PLAAT3: variants seen among roughly 807,000 people sequenced by gnomAD.
PLAAT3 encodes the protein Ca-independent phospholipase A1/2.
A neutral mutation model predicts 16.7 loss-of-function variants in PLAAT3; 21 were observed. The observed-to-expected ratio is 1.26, with a 90% CI of 0.89 to 1.81. The LOEUF is 1.81. Ranked by LOEUF, PLAAT3 falls within the 40% of genes most tolerant of loss-of-function variation. PLAAT3 has a pLI of 0.00. For missense variants in PLAAT3, 219 were observed against 213.7 expected (o/e 1.02, Z -0.16); for synonymous variants, 76 against 81.7 (o/e 0.93, Z 0.38).
Position 63,613,985 on chromosome 11 carries a change from T to C in PLAAT3, c.15+15A>G. On this transcript the variant is annotated intron_variant, in intron 2 of 4. Coordinates refer to ENST00000415826, the MANE Select transcript of PLAAT3 (RefSeq NM_001128203.2). ...GCTCCCAGCCCCGCCCAGCCCCGCC[T>C]CGCCCCGCACTTACAATGGGCGCAC... The C allele has an allele frequency of 8.1e-7, 1 of 1,236,304 alleles. No individual in the cohort carries two copies. The highest frequency in any genetic ancestry group is 1.2e-6 in the Non-Finnish European group (1 of 835,960). 76.6% of individuals were successfully genotyped at this position (1,236,304 alleles called of 1,614,324 possible). A position where few individuals can be genotyped will look rare whatever the true frequency, so the allele number is the denominator to read the frequency against.
At chr11:63,591,525 G>A (rs562916213) in intron 3 of PLAAT3, among the ~76,000 whole-genome samples, 1 of 152,340 alleles carries the variant, frequency 6.6e-6, no homozygotes, top group East Asian at 1.9e-4. Flanking sequence ...GGGTGCCACA[G>A]CAGCACCCTG....
At chr11:63,601,734 G>A (rs1006320335) in intron 2 of PLAAT3, among the ~76,000 whole-genome samples, 1 of 152,162 alleles carries the variant, frequency 6.6e-6, no homozygotes, top group African/African-American at 2.4e-5. Context: ...CCAACACTTT[G>A]GGAGGCCAAG....
intron 4 of PLAAT3, among the ~76,000 whole-genome samples, chr11:63,584,509 T>G (rs745760317): frequency 8.8e-4 from 18 of 20,442 alleles, no homozygotes; most frequent in African/African-American, 2.0e-3. Context: ...TTTTTTTTTG[T>G]TTTTTTTTGT....
At chr11:63,615,054 GTA>G (rs1402590427), upstream of PLAAT3, among the ~76,000 whole-genome samples, 9 of 28,786 alleles carry the variant, frequency 3.1e-4, 1 homozygote, top group African/African-American at 5.0e-4. Context: ...ATATATATGT[GTA>G]TATATATGTG....
chr11:63,587,904 CTCA>C (rs2134403388), intron 4 of PLAAT3, among the ~76,000 whole-genome samples: 1 of 152,174 alleles, frequency 6.6e-6, no homozygotes, highest in East Asian at 1.9e-4. Context: ...ACAGCAATGC[CTCA>C]TCAAGTGTGA....
chr11:63,602,340 G>A (rs1338575956), intron 2 of PLAAT3, among the ~76,000 whole-genome samples: 2 of 151,800 alleles, frequency 1.3e-5, no homozygotes, highest in African/African-American at 2.4e-5. Flanking sequence ...AGACAGGGGA[G>A]TCTTGTAGGG....
intron 2 of PLAAT3, among the ~76,000 whole-genome samples, chr11:63,601,296 C>T (rs557479882): frequency 8.2e-4 from 124 of 150,436 alleles, no homozygotes; most frequent in African/African-American, 2.8e-3. Flanking sequence ...CCTTGTGATC[C>T]GCCAGCCTGG....
chr11:63,597,334 C>T (rs638760), intron 3 of PLAAT3, among the ~76,000 whole-genome samples: 23 of 152,160 alleles, frequency 1.5e-4, no homozygotes, highest in Non-Finnish European at 2.6e-4. Flanking sequence ...ACCATCCTGG[C>T]TAACACGGTG....
chr11:63,603,630 A>G (rs1425630905), intron 2 of PLAAT3, among the ~76,000 whole-genome samples: 1 of 151,796 alleles, frequency 6.6e-6, no homozygotes, highest in African/African-American at 2.4e-5. Flanking sequence ...TTAAAATAAA[A>G]GTTGAAGGAA....
rs1938110998 is a variant in PLAAT3 at position 63,590,187 on chromosome 11, C to CA, written c.299dup (p.Gln102AlafsTer10). 1.2e-6 allele frequency: 2 copies of CA among 1,614,106 alleles called. No individual in the cohort carries two copies. Among genetic ancestry groups the CA allele is most frequent in the Non-Finnish European group, 8.5e-7 (1 of 1,180,010 alleles). ...TCAGCTTGTAGAGCACCTCCTGCCCCACCAGCTCCTCCGCCCGCTGGATGA... is the reference window on the plus strand; with the variant it reads ...TCAGCTTGTAGAGCACCTCCTGCCCCAACCAGCTCCTCCGCCCGCTGGATGA... On this transcript the variant is annotated frameshift_variant, in exon 4 of 5. Transcript: ENST00000415826. LOFTEE classifies it high-confidence loss of function.
At chr11:63,609,356 C>T (rs1938638178) in intron 2 of PLAAT3, among the ~76,000 whole-genome samples, 1 of 152,234 alleles carries the variant, frequency 6.6e-6, no homozygotes, top group Non-Finnish European at 1.5e-5. Flanking sequence ...TTTTCTGAGG[C>T]TGCATTCCCA....
At chr11:63,607,334 T>A (rs1489129190) in intron 2 of PLAAT3, among the ~76,000 whole-genome samples, 1 of 152,006 alleles carries the variant, frequency 6.6e-6, no homozygotes, top group Non-Finnish European at 1.5e-5. Context: ...GATCAGCTCC[T>A]CCTGAGAGTT....
At position 63,598,304 on chromosome 11, in the gene PLAAT3, C is replaced by T. The variant is rs1041316126; in HGVS notation, c.16-141G>A. ...GTCCTGAGCCCTGCTCTGCCAGGTC[C>T]AATGCCAGTCCAACTTCACAAGCTT... On this transcript the variant is annotated intron_variant, in intron 2 of 4. Coordinates refer to ENST00000415826, the MANE Select transcript of PLAAT3 (RefSeq NM_001128203.2). 6.3e-6 allele frequency: 4 copies of T among 637,600 alleles called. No homozygotes were observed. The Admixed American group carries it at 1.0e-4, about 16-fold the overall frequency. 39.5% of individuals were successfully genotyped at this position (637,600 alleles called of 1,614,324 possible).
intron 2 of PLAAT3, among the ~76,000 whole-genome samples, chr11:63,604,930 C>A (rs1011135801): frequency 4.6e-5 from 7 of 152,132 alleles, no homozygotes; most frequent in Non-Finnish European, 8.8e-5. Context: ...AGCTCTATAA[C>A]AATATCCTAA....
chr11:63,592,366 C>A (rs561539215), intron 3 of PLAAT3, among the ~76,000 whole-genome samples: 1 of 151,892 alleles, frequency 6.6e-6, no homozygotes, highest in African/African-American at 2.4e-5. Flanking sequence ...GGGGTTTCAC[C>A]ATGTTGGCCA....
intron 2 of PLAAT3, among the ~76,000 whole-genome samples, chr11:63,610,230 T>C (rs1382809136): frequency 1.3e-5 from 2 of 152,234 alleles, no homozygotes; most frequent in Admixed American, 6.5e-5. Flanking sequence ...GCCGTTCACC[T>C]GGAAGATTCC....
intron 4 of PLAAT3, among the ~76,000 whole-genome samples, chr11:63,582,563 T>C (rs1937849071): frequency 6.6e-6 from 1 of 152,016 alleles, no homozygotes; most frequent in Non-Finnish European, 1.5e-5. Flanking sequence ...AAAAAAGAAC[T>C]CCCTCCACTT....
chr11:63,582,898 C>T (rs923322480), intron 4 of PLAAT3, among the ~76,000 whole-genome samples: 2 of 152,030 alleles, frequency 1.3e-5, no homozygotes, highest in Non-Finnish European at 2.9e-5. Flanking sequence ...TTTGGGAGGC[C>T]GAGGCAGGCG....
At chr11:63,577,392 G>A (rs987447995) in intron 4 of PLAAT3, among the ~76,000 whole-genome samples, 10 of 152,136 alleles carry the variant, frequency 6.6e-5, no homozygotes, top group South Asian at 2.1e-4. Context: ...GGCTGCTCTC[G>A]AACTCCTGAC....
Sources: gnomAD v4.1 joint callset for allele counts (sites outside exome capture counted in the v4.1 genomes callset) on GRCh38, gnomAD v4.1.1 for gene constraint, MANE v1.5 for transcripts, NCBI Gene and HGNC (gene_info 2026-07-23, HGNC 2026-07-21) for gene names.